Variants in DRC3 observed in about 807,000 individuals in gnomAD.
The protein encoded by DRC3 is dynein regulatory complex subunit 3.
Under a neutral mutation model 57.6 loss-of-function variants are expected in DRC3, and 45 were observed. The observed-to-expected ratio is 0.78, with a 90% CI of 0.62 to 1.00. The LOEUF (loss-of-function observed/expected upper bound fraction) is 1.00, where lower values mean the gene tolerates loss of function less well. Ranked by LOEUF, DRC3 falls within the 50% of genes least tolerant of loss-of-function variation. DRC3 has a pLI of 0.00. For missense variants in DRC3, 655 were observed against 675.2 expected (o/e 0.97, Z 0.33); for synonymous variants, 257 against 272.3 (o/e 0.94, Z 0.55).
At chr17:17,995,225 TA>T in intron 8 of DRC3, 114 bp downstream of exon 8, 1 of 716,576 alleles carries the variant, frequency 1.4e-6, no homozygotes. Flanking sequence ...CCTTGGGAGG[TA>T]AAATCTCCAC....
rs2044074044 is a variant in DRC3 at position 18,008,902 on chromosome 17, C to A, written c.1326+1755C>A. The stretch of plus-strand genomic sequence containing the variant: ...CCCAATTTCTAATGACTAGGACACA[C>A]AGAAAAAGATGAATCCAGAGGCCAA... On this transcript the variant is annotated intron_variant, in intron 12 of 13. Transcript: ENST00000399187. This position sits in a 1 kb window ranked among gnomAD's most constrained non-coding sequence, Gnocchi z 4.3. Among the ~76,000 whole-genome samples, 1 of 152,154 alleles carries A rather than the reference C, an allele frequency of 6.6e-6. No individual in the cohort carries two copies. Among genetic ancestry groups the A allele is most frequent in the African/African-American group, 2.4e-5 (1 of 41,434 alleles).
intron 6 of DRC3, chr17:17,993,430 G>A (rs1336701757): frequency 1.3e-5 from 2 of 152,716 alleles, no homozygotes; most frequent in African/African-American, 4.8e-5. Flanking sequence ...AGGCTGCAGT[G>A]AACTAAGAAG....
At chr17:17,976,002 A>G (rs2042369525) in intron 2 of DRC3, among the ~76,000 whole-genome samples, 3 of 152,152 alleles carry the variant, frequency 2.0e-5, no homozygotes, top group Non-Finnish European at 4.4e-5. Context: ...TGTATGGCCC[A>G]ACCTGGCTTT....
At position 17,997,600 on chromosome 17, in the gene DRC3, G is replaced by A. The variant is rs201927277; in HGVS notation, c.965G>A (p.Arg322His). ...CAGGAAAACCAGGAGCAGGGCAAAC[G>A]CAAGATTGCCAAATTCGAGGAGAAG... ...AIQENQEQGK[R>H]KIAKFEEKHL... Residue 322 changes from arginine to histidine, a missense_variant, in exon 9 of 14, where the codon CGC becomes CAC. Coordinates refer to ENST00000399187, the MANE Select transcript of DRC3 (RefSeq NM_031294.4). The A allele has an allele frequency of 2.5e-6, 4 of 1,609,922 alleles. No homozygotes were observed. The highest frequency in any genetic ancestry group is 4.5e-5 in the East Asian group (2 of 44,676).
intron 12 of DRC3, among the ~76,000 whole-genome samples, chr17:18,010,100 G>A (rs960735700): frequency 6.6e-6 from 1 of 152,304 alleles, no homozygotes; most frequent in Admixed American, 6.5e-5. Context: ...AGTCCCCAGG[G>A]TCTGCTCAAG....
chr17:18,016,537 G>A (rs2044370404), intron 13 of DRC3, 21 bp from the exon 14 acceptor site: 1 of 1,532,822 alleles, frequency 6.5e-7, no homozygotes, highest in African/African-American at 1.4e-5. Context: ...TAAGGAATCG[G>A]GCTTTGGTTT....
At chr17:17,983,983 G>C in intron 4 of DRC3, 39 bp downstream of exon 4, 1 of 1,318,328 alleles carries the variant, frequency 7.6e-7, no homozygotes, top group South Asian at 1.2e-5. Flanking sequence ...CTAATCGAAG[G>C]TGACACCCTG....
intron 3 of DRC3, among the ~76,000 whole-genome samples, chr17:17,979,768 G>C (rs1393691579): frequency 6.6e-6 from 1 of 152,130 alleles, no homozygotes; most frequent in Non-Finnish European, 1.5e-5. Context: ...CCCAGGGTTG[G>C]GAGGTGGCCG....
intron 5 of DRC3, among the ~76,000 whole-genome samples, chr17:17,992,138 G>A (rs1418139761): frequency 6.6e-6 from 1 of 151,988 alleles, no homozygotes; most frequent in Non-Finnish European, 1.5e-5. Context: ...AGCCAGGTGT[G>A]GTGGTGCAGG....
chr17:17,986,424 G>T (rs1040640710), intron 4 of DRC3, among the ~76,000 whole-genome samples: 6 of 151,838 alleles, frequency 4.0e-5, no homozygotes, highest in Non-Finnish European at 5.9e-5. Context: ...ATATGCGGAG[G>T]AGGCTATATT....
At position 18,015,988 on chromosome 17, in the gene DRC3, CCTT is replaced by C. The variant is rs796790203; in HGVS notation, c.1327-73_1327-71del. 5 of 1,536,156 alleles carry C rather than the reference CCTT, an allele frequency of 3.3e-6. No individual in the cohort carries two copies. In the African/African-American group the frequency reaches 6.8e-5, roughly 21 times the overall value. On this transcript the variant is annotated intron_variant, in intron 12 of 13. Coordinates refer to ENST00000399187, the MANE Select transcript of DRC3 (RefSeq NM_031294.4). ...CACAGCCAGGGGACTTCCAAATGCTCCTTCTCTGTTCAGCTCCCTTTGTGTTCA... is the reference window on the plus strand; with the variant it reads ...CACAGCCAGGGGACTTCCAAATGCTCCTCTGTTCAGCTCCCTTTGTGTTCA...
At position 17,995,042 on chromosome 17, in the gene DRC3, G is replaced by C. The variant is rs1434735482; in HGVS notation, c.755G>C (p.Ser252Thr). ...EHLNGSFLFD[S>T]MYAEDSEGNN... ...CTGAATGGCTCCTTCCTGTTTGACAGCATGTACGCTGAGGACTCAGAGGGC... is the reference window on the plus strand; with the variant it reads ...CTGAATGGCTCCTTCCTGTTTGACACCATGTACGCTGAGGACTCAGAGGGC... Residue 252 changes from serine (S) to threonine (T), a missense_variant, in exon 8 of 14, where the codon AGC (serine) becomes ACC (threonine). Coordinates refer to ENST00000399187, the MANE Select transcript of DRC3 (RefSeq NM_031294.4). 1 of 1,613,978 alleles carries C rather than the reference G, an allele frequency of 6.2e-7. No homozygotes were observed. The highest frequency in any genetic ancestry group is 8.5e-7 in the Non-Finnish European group (1 of 1,179,858).
At chr17:17,996,832 C>G (rs2043478782) in intron 8 of DRC3, among the ~76,000 whole-genome samples, 1 of 152,178 alleles carries the variant, frequency 6.6e-6, no homozygotes, top group African/African-American at 2.4e-5. Context: ...ACAGGATCAC[C>G]AAGGTCCTGT....
At chr17:17,999,521 T>G (rs1222417266) in intron 9 of DRC3, among the ~76,000 whole-genome samples, 1 of 152,148 alleles carries the variant, frequency 6.6e-6, no homozygotes, top group Non-Finnish European at 1.5e-5. Context: ...CTATAGGTTT[T>G]CCTACGCTCC....
intron 12 of DRC3, among the ~76,000 whole-genome samples, chr17:18,013,458 T>G (rs552530390): frequency 1.3e-5 from 2 of 152,154 alleles, no homozygotes; most frequent in Non-Finnish European, 2.9e-5. Context: ...TGGAATACTA[T>G]TCAGCCATAA....
intron 4 of DRC3, 133 bp downstream of exon 4, chr17:17,984,077 C>G (rs1246327784): frequency 1.7e-6 from 1 of 604,164 alleles, no homozygotes; most frequent in Admixed American, 3.1e-5. Context: ...ACGGCAGAAG[C>G]TCTGCCTGCT....
chr17:17,977,929 G>T, intron 3 of DRC3, 171 bp downstream of exon 3: 1 of 577,942 alleles, frequency 1.7e-6, no homozygotes, highest in Non-Finnish European at 3.0e-6. Context: ...TTTGTAAAGC[G>T]TCATACTTAG....
intron 12 of DRC3, among the ~76,000 whole-genome samples, chr17:18,013,204 AT>A (rs1284171054): frequency 1.3e-5 from 2 of 152,254 alleles, no homozygotes; most frequent in African/African-American, 4.8e-5. Context: ...GTAAGTAAGA[AT>A]GTAAACTAGG....
chr17:17,977,591 G>A lies in DRC3; in HGVS notation c.-8G>A, dbSNP rs200263097. On this transcript the variant is annotated 5_prime_UTR_variant, in exon 3 of 14. Transcript: ENST00000399187. Reference sequence around the variant, plus strand: ...ATGCGGTGTTTTTTAGGGAAAACGTGGGGGAAGATGAACCAGCCGTGCAAC... The same window carrying A: ...ATGCGGTGTTTTTTAGGGAAAACGTAGGGGAAGATGAACCAGCCGTGCAAC... The A allele has an allele frequency of 1.3e-4, 203 of 1,613,786 alleles. No homozygotes were observed. The highest frequency in any genetic ancestry group is 1.7e-4 in the Non-Finnish European group (198 of 1,179,838).
Sources: allele counts gnomAD v4.1 joint callset (sites outside exome capture counted in the v4.1 genomes callset), GRCh38; gene constraint gnomAD v4.1.1; non-coding constraint Gnocchi (gnomAD v3.1); transcripts MANE v1.5; gene names NCBI Gene and HGNC (gene_info 2026-07-23, HGNC 2026-07-21).